The following ASTN2 variants were observed in gnomAD, a reference collection of about 807,000 sequenced individuals.
The protein encoded by ASTN2 is astrotactin-2.
A neutral mutation model predicts 139.8 loss-of-function variants in ASTN2; 54 were observed. The ratio of observed to expected loss-of-function variants is 0.39; its 90% CI spans 0.31 to 0.48. The LOEUF is 0.48. ASTN2 is among the 20% of genes least tolerant of loss of function. ASTN2 has a pLI of 0.95. For synonymous variants in ASTN2, 756 were observed against 719.5 expected (o/e 1.05, Z -0.81); for missense variants, 1,565 against 1,725.1 (o/e 0.91, Z 1.64).
intron 5 of ASTN2, among the ~76,000 whole-genome samples, chr9:117,081,316 G>T (rs551232002): frequency 1.7e-4 from 26 of 152,232 alleles, no homozygotes; most frequent in African/African-American, 6.3e-4. Context: ...AAGATGTTGA[G>T]GGAAGGACAT....
At chr9:117,254,084 C>T (rs1833616138) in intron 2 of ASTN2, among the ~76,000 whole-genome samples, 1 of 152,134 alleles carries the variant, frequency 6.6e-6, no homozygotes. Flanking sequence ...TTTGCTTTTA[C>T]TGAGATTTAC....
intron 22 of ASTN2, among the ~76,000 whole-genome samples, chr9:116,429,543 A>C: frequency 6.6e-6 from 1 of 152,154 alleles, no homozygotes; most frequent in East Asian, 1.9e-4. Context: ...AGTACACGTC[A>C]AACTCTTAGA....
chr9:116,916,991 AT>A (rs377713113), intron 10 of ASTN2, among the ~76,000 whole-genome samples: 1,829 of 149,842 alleles, frequency 0.012, 26 homozygotes, highest in African/African-American at 0.042. Context: ...CTCTATGGAG[AT>A]TTTTTTTTTC....
At position 117,029,730 on chromosome 9, in the gene ASTN2, T is replaced by C. The variant is rs151167948; in HGVS notation, c.1423+10089A>G. The stretch of plus-strand genomic sequence containing the variant: ...AAGAAAGGGAAGAAGCAGAACACTA[T>C]ATAAGAATAAAAGAGTGGTGTTATT... On this transcript the variant is annotated intron_variant, in intron 6 of 22. Transcript: ENST00000313400. Among the ~76,000 whole-genome samples the C allele has an allele frequency of 1.0e-3, 152 of 152,158 alleles. 2 individuals carry two copies. The highest frequency in any genetic ancestry group is 1.9e-3 in the Non-Finnish European group (132 of 67,986).
At chr9:116,674,856 C>T (rs1859409693) in intron 16 of ASTN2, among the ~76,000 whole-genome samples, 1 of 152,194 alleles carries the variant, frequency 6.6e-6, no homozygotes, top group Admixed American at 6.5e-5. Flanking sequence ...CTTCCCCCAG[C>T]CACCAAGTTA....
chr9:116,955,579 G>T (rs73655559), intron 10 of ASTN2, among the ~76,000 whole-genome samples: 3,487 of 152,266 alleles, frequency 0.023, 124 homozygotes, highest in African/African-American at 0.08. Flanking sequence ...TTCTGAGCAG[G>T]GCTCTGGCCC....
At chr9:116,979,459 G>A (rs1412836697) in intron 7 of ASTN2, among the ~76,000 whole-genome samples, 1 of 152,158 alleles carries the variant, frequency 6.6e-6, no homozygotes, top group South Asian at 2.1e-4. Flanking sequence ...AGAGGTAAGA[G>A]GAATGGAAGG....
intron 2 of ASTN2, among the ~76,000 whole-genome samples, chr9:117,264,424 C>T (rs189157000): frequency 1.3e-5 from 2 of 152,248 alleles, no homozygotes; most frequent in Non-Finnish European, 2.9e-5. Context: ...TTAGCTTCCT[C>T]GTGATAAATT....
intron 10 of ASTN2, among the ~76,000 whole-genome samples, chr9:116,930,507 A>G (rs1834867699): frequency 6.6e-6 from 1 of 152,064 alleles, no homozygotes; most frequent in Non-Finnish European, 1.5e-5. Context: ...ATACTTTTTA[A>G]GCAGGGTTAT....
chr9:117,265,906 C>T (rs1833929866), intron 2 of ASTN2, among the ~76,000 whole-genome samples: 1 of 152,050 alleles, frequency 6.6e-6, no homozygotes, highest in Non-Finnish European at 1.5e-5. Flanking sequence ...AGCCAGATGC[C>T]ATGTTAACTC....
At chr9:117,352,714 G>A (rs1829424800) in intron 1 of ASTN2, among the ~76,000 whole-genome samples, 1 of 152,124 alleles carries the variant, frequency 6.6e-6, no homozygotes, top group Non-Finnish European at 1.5e-5. Context: ...GAGAAACTAA[G>A]CAAATTGTTC....
intron 2 of ASTN2, among the ~76,000 whole-genome samples, chr9:117,248,219 G>A (rs1031950843): frequency 1.3e-5 from 2 of 152,204 alleles, no homozygotes; most frequent in African/African-American, 4.8e-5. Flanking sequence ...ATGGTGGAAG[G>A]AAGCTTCGAA....
chr9:117,187,633 G>A (rs975513980), intron 3 of ASTN2, among the ~76,000 whole-genome samples: 1 of 152,126 alleles, frequency 6.6e-6, no homozygotes, highest in African/African-American at 2.4e-5. Flanking sequence ...TGTCTGTCAC[G>A]AGTCTCCCTG....
chr9:116,657,777 G>C (rs1199832994), intron 16 of ASTN2, among the ~76,000 whole-genome samples: 9 of 152,150 alleles, frequency 5.9e-5, no homozygotes, highest in Non-Finnish European at 1.3e-4. Context: ...GGAGGTGGAG[G>C]TTGCAGTGAA....
intron 19 of ASTN2, among the ~76,000 whole-genome samples, chr9:116,565,427 A>G (rs5017823): frequency 4.1e-5 from 3 of 74,022 alleles, no homozygotes; most frequent in Non-Finnish European, 7.7e-5. Context: ...ATATATATAT[A>G]TATTTATTTA....
At chr9:117,390,260 C>T (rs1048293946) in intron 1 of ASTN2, among the ~76,000 whole-genome samples, 1 of 152,158 alleles carries the variant, frequency 6.6e-6, no homozygotes, top group Admixed American at 6.5e-5. Flanking sequence ...TCCTAACTCT[C>T]CCCTCCACAA....
Position 116,995,414 on chromosome 9 carries a change from G to A in ASTN2, c.1591+12678C>T, listed in dbSNP as rs117514001. On this transcript the variant is annotated intron_variant, in intron 7 of 22. Coordinates refer to ENST00000313400, the MANE Select transcript of ASTN2 (RefSeq NM_001365068.1). ...CAAAGCTGGGATTAGAGGCCATGGA[G>A]TTTTTCTCTGAATTCAATATTTCAT... Among the ~76,000 whole-genome samples the A allele has an allele frequency of 6.1e-3, 924 of 152,286 alleles. 2 individuals are homozygous for A. Among genetic ancestry groups the A allele is most frequent in the Middle Eastern group, 0.01 (3 of 294 alleles).
intron 10 of ASTN2, among the ~76,000 whole-genome samples, chr9:116,918,778 TTGTA>T (rs1249812372): frequency 6.6e-6 from 1 of 152,156 alleles, no homozygotes; most frequent in Non-Finnish European, 1.5e-5. Context: ...TGGTGCAGAG[TTGTA>T]TAGACATATG....
chr9:117,323,020 C>G (rs1040881436), intron 1 of ASTN2, among the ~76,000 whole-genome samples: 1 of 152,044 alleles, frequency 6.6e-6, no homozygotes, highest in Non-Finnish European at 1.5e-5. Flanking sequence ...AACAAAAATA[C>G]TACGGTATTC....
Sources: gnomAD v4.1 joint callset for allele counts (sites outside exome capture counted in the v4.1 genomes callset) on GRCh38, gnomAD v4.1.1 for gene constraint, MANE v1.5 for transcripts, NCBI Gene and HGNC (gene_info 2026-07-23, HGNC 2026-07-21) for gene names.